MEPE: variants seen among roughly 807,000 people sequenced by gnomAD.
MEPE encodes matrix, extracellular phosphoglycoprotein with ASARM motif (bone).
Under a neutral mutation model 7.3 loss-of-function variants are expected in MEPE, and 7 were observed. The observed-to-expected ratio is 0.95, with a 90% confidence interval of 0.54 to 1.79. The LOEUF is 1.79. Ranked by LOEUF, MEPE falls within the 40% of genes most tolerant of loss-of-function variation. The pLI, the probability that MEPE is intolerant of heterozygous loss-of-function variation, is 0.00. For missense variants in MEPE, 623 were observed against 628.2 expected (o/e 0.99, Z 0.09); for synonymous variants, 214 against 213.1 (o/e 1.00, Z -0.04).
At chr4:87,823,220 G>A (rs1397665109) in intron 1 of MEPE, among the ~76,000 whole-genome samples, 2 of 152,296 alleles carry the variant, frequency 1.3e-5, no homozygotes, top group Admixed American at 1.3e-4. Flanking sequence ...GTGGGTGGAT[G>A]GTCTGTAGGT....
At chr4:87,824,361 C>T (rs947345695) in intron 1 of MEPE, among the ~76,000 whole-genome samples, 4 of 152,176 alleles carry the variant, frequency 2.6e-5, no homozygotes, top group Admixed American at 2.0e-4. Context: ...AAAAAGTTAC[C>T]TTTAAATATT....
In MEPE at chr4:87,846,690, C is replaced by T. The variant is rs1723285087; in HGVS notation, c.*244C>T. 1.2e-5 allele frequency: 5 copies of T among 430,582 alleles called. No individual in the cohort carries two copies. In the Admixed American group the frequency reaches 2.0e-4, roughly 17 times the overall value. The allele number at this position is 430,582 out of a possible 1,614,324, so 26.7% of individuals were successfully genotyped here. On this transcript the variant is annotated 3_prime_UTR_variant, in exon 4 of 4. Transcript: ENST00000361056. The stretch of plus-strand genomic sequence containing the variant: ...CATTACAGATCTATGAAATAGGTAA[C>T]ATTTGAGTAGGTGTCATTTAAAAAT...
upstream of MEPE, among the ~76,000 whole-genome samples, chr4:87,829,780 C>T (rs1722553749): frequency 2.0e-5 from 3 of 151,638 alleles, no homozygotes; most frequent in Admixed American, 2.0e-4. Flanking sequence ...CATTCAGTCT[C>T]AGAGTTGGCT....
At chr4:87,841,621 G>A (rs367811453) in intron 3 of MEPE, among the ~76,000 whole-genome samples, 4 of 151,970 alleles carry the variant, frequency 2.6e-5, no homozygotes, top group African/African-American at 4.8e-5. Flanking sequence ...CAACATTTCC[G>A]CCTACTTCCA....
chr4:87,822,379 C>T (rs765494639), intron 1 of MEPE, among the ~76,000 whole-genome samples: 1 of 152,162 alleles, frequency 6.6e-6, no homozygotes, highest in East Asian at 1.9e-4. Context: ...GACTTTCCCA[C>T]TCACAACCCG....
chr4:87,839,395 C>A (rs1171325875), intron 3 of MEPE, among the ~76,000 whole-genome samples: 1 of 152,142 alleles, frequency 6.6e-6, no homozygotes, highest in Non-Finnish European at 1.5e-5. Context: ...CCACATGCTC[C>A]ATTTCCATAG....
At chr4:87,839,515 C>T (rs553727293) in intron 3 of MEPE, among the ~76,000 whole-genome samples, 45 of 152,180 alleles carry the variant, frequency 3.0e-4, no homozygotes, top group African/African-American at 7.9e-4. Context: ...TTGCTGTCTT[C>T]GGGAGCCGGC....
intron 1 of MEPE, among the ~76,000 whole-genome samples, chr4:87,822,581 C>T (rs1436110107): frequency 6.6e-6 from 1 of 152,146 alleles, no homozygotes; most frequent in Non-Finnish European, 1.5e-5. Flanking sequence ...GTGTCAGCTC[C>T]CTGCATCTCT....
At chr4:87,839,715 G>A in intron 3 of MEPE, 8 of 1,549,920 alleles carry the variant, frequency 5.2e-6, no homozygotes, top group Non-Finnish European at 7.0e-6. Context: ...TGAGAAACAT[G>A]GGCATTATGT....
intron 1 of MEPE, among the ~76,000 whole-genome samples, chr4:87,826,392 G>GTTTTT (rs1176191535): frequency 6.9e-6 from 1 of 144,506 alleles, no homozygotes; most frequent in African/African-American, 2.6e-5. Context: ...TTTTTTTTTT[G>GTTTTT]TTTTTGTTTT....
chr4:87,822,551 A>G (rs1266382929), intron 1 of MEPE, among the ~76,000 whole-genome samples: 1 of 152,188 alleles, frequency 6.6e-6, no homozygotes, highest in Non-Finnish European at 1.5e-5. Flanking sequence ...TACACAAAAA[A>G]CATAAGCATC....
intron 3 of MEPE, among the ~76,000 whole-genome samples, chr4:87,840,250 G>A (rs1163292854): frequency 6.6e-6 from 1 of 152,156 alleles, no homozygotes; most frequent in African/African-American, 2.4e-5. Flanking sequence ...CTCCATCTGT[G>A]TTGGGTTGCT....
At chr4:87,840,815 G>C (rs1336499021) in intron 3 of MEPE, among the ~76,000 whole-genome samples, 1 of 152,100 alleles carries the variant, frequency 6.6e-6, no homozygotes, top group Non-Finnish European at 1.5e-5. Flanking sequence ...AGTAGGATTT[G>C]AGCAAACAGA....
chr4:87,840,267 T>G (rs757495462), intron 3 of MEPE, among the ~76,000 whole-genome samples: 7 of 152,200 alleles, frequency 4.6e-5, no homozygotes, highest in Non-Finnish European at 8.8e-5. Context: ...TGCTCAGAAG[T>G]AAAAGAATGA....
chr4:87,822,127 C>T (rs13128741), intron 1 of MEPE, among the ~76,000 whole-genome samples: 26,697 of 152,174 alleles, frequency 0.18, 2,573 homozygotes, highest in Non-Finnish European at 0.23. Flanking sequence ...AGTCTTACCT[C>T]CCAAAGTCTA....
intron 1 of MEPE, among the ~76,000 whole-genome samples, chr4:87,823,340 G>A (rs988259479): frequency 6.6e-6 from 1 of 152,084 alleles, no homozygotes; most frequent in Non-Finnish European, 1.5e-5. Context: ...CCTTCAACAC[G>A]ATGACTCAAT....
upstream of MEPE, among the ~76,000 whole-genome samples, chr4:87,831,910 A>T (rs1467880948): frequency 6.6e-6 from 1 of 152,040 alleles, no homozygotes; most frequent in African/African-American, 2.4e-5. Context: ...GAGTCTGTTC[A>T]TGCTGCTACT....
intron 3 of MEPE, chr4:87,839,925 A>G: frequency 6.5e-7 from 1 of 1,536,294 alleles, no homozygotes; most frequent in Non-Finnish European, 8.7e-7. Context: ...CTCCCTCCCC[A>G]GGCTCCTCAA....
chr4:87,831,062 C>T (rs1722586986), upstream of MEPE, among the ~76,000 whole-genome samples: 1 of 151,870 alleles, frequency 6.6e-6, no homozygotes, highest in Non-Finnish European at 1.5e-5. Context: ...GGTTAAATAA[C>T]TCTTACATAA....
Sources: gnomAD v4.1 joint callset for allele counts (sites outside exome capture counted in the v4.1 genomes callset) on GRCh38, gnomAD v4.1.1 for gene constraint, MANE v1.5 for transcripts, NCBI Gene and HGNC (gene_info 2026-07-23, HGNC 2026-07-21) for gene names.